ALK: variants seen among roughly 807,000 people sequenced by gnomAD.
The protein encoded by ALK is ALK tyrosine kinase receptor.
ALK carries 74 observed loss-of-function variants against 163.1 expected under a neutral mutation model. The ratio of observed to expected loss-of-function variants is 0.45; its 90% CI spans 0.38 to 0.55. The LOEUF (loss-of-function observed/expected upper bound fraction) is 0.55. Among genes scored for constraint, ALK ranks in the 20% least tolerant of loss-of-function variants. ALK has a pLI of 0.00. For missense variants in ALK, 2,063 were observed against 2,105.3 expected (o/e 0.98, Z 0.39); for synonymous variants, 960 against 843.2 (o/e 1.14, Z -2.40).
chr2:29,904,207 ATTAT>A (rs2148432851), intron 1 of ALK, among the ~76,000 whole-genome samples: 1 of 152,278 alleles, frequency 6.6e-6, no homozygotes, highest in East Asian at 1.9e-4. Flanking sequence ...CTTTGGAAAT[ATTAT>A]TTATGATTTA....
intron 4 of ALK, among the ~76,000 whole-genome samples, chr2:29,463,455 G>A (rs1337426537): frequency 6.6e-6 from 1 of 152,174 alleles, no homozygotes; most frequent in Non-Finnish European, 1.5e-5. Context: ...AGGATTAACT[G>A]CTACAGGGAT....
intron 1 of ALK, among the ~76,000 whole-genome samples, chr2:29,760,706 C>G (rs751702788): frequency 6.6e-6 from 1 of 152,206 alleles, no homozygotes; most frequent in Admixed American, 6.5e-5. Flanking sequence ...GGCTTACAGA[C>G]ATTATTGTTG....
chr2:29,870,719 G>C (rs961556079), intron 1 of ALK, among the ~76,000 whole-genome samples: 1 of 152,098 alleles, frequency 6.6e-6, no homozygotes, highest in South Asian at 2.1e-4. Context: ...AAATAAAAAA[G>C]TCTAAGAAGA....
chr2:29,339,148 C>A (rs2148268772), intron 5 of ALK, among the ~76,000 whole-genome samples: 1 of 151,966 alleles, frequency 6.6e-6, no homozygotes, highest in South Asian at 2.1e-4. Context: ...GAGGCTGAGG[C>A]AGGAGAATAG....
chr2:29,714,626 G>A (rs576522331), intron 2 of ALK, among the ~76,000 whole-genome samples: 17 of 152,300 alleles, frequency 1.1e-4, no homozygotes, highest in Admixed American at 1.1e-3. Flanking sequence ...GGATGCAGGT[G>A]AAGACAGCCA....
chr2:29,426,208 A>G (rs1224521064), intron 4 of ALK, among the ~76,000 whole-genome samples: 2 of 152,194 alleles, frequency 1.3e-5, no homozygotes, highest in Admixed American at 1.3e-4. Context: ...CACACACACC[A>G]TGCCCTCTGG....
intron 1 of ALK, among the ~76,000 whole-genome samples, chr2:29,726,060 T>C (rs1573586670): frequency 6.6e-6 from 1 of 152,198 alleles, no homozygotes; most frequent in African/African-American, 2.4e-5. Context: ...GGACTCACAC[T>C]GGCTTTTGGT....
chr2:29,360,742 C>T (rs1171645945), intron 5 of ALK, among the ~76,000 whole-genome samples: 3 of 152,138 alleles, frequency 2.0e-5, no homozygotes, highest in Non-Finnish European at 4.4e-5. Flanking sequence ...AGCCCACAGA[C>T]ATTTAGAAGA....
rs538680735 is a variant in ALK, at chr2:29,456,517, CATAGAG to C, written c.1155-72664_1155-72659del. 1.2e-3 allele frequency among the ~76,000 whole-genome samples: 178 copies of C among 152,138 alleles called. 1 individual carries two copies. The highest frequency in any genetic ancestry group is 3.7e-3 in the African/African-American group (154 of 41,512). On this transcript the variant is annotated intron_variant, in intron 4 of 28. Transcript: ENST00000389048. ...ATGAGGTATGTAGAGTAGTCAAATT[CATAGAG>C]ATAGAAAGTAGAATGCTGGTTGCCA...
intron 3 of ALK, among the ~76,000 whole-genome samples, chr2:29,539,438 A>G (rs1224632452): frequency 6.6e-6 from 1 of 152,104 alleles, no homozygotes; most frequent in Non-Finnish European, 1.5e-5. Context: ...ACCAAATTTC[A>G]TTGCCAGTTG....
At chr2:29,203,596 C>G (rs1669239227) in intron 26 of ALK, among the ~76,000 whole-genome samples, 1 of 145,192 alleles carries the variant, frequency 6.9e-6, no homozygotes. Flanking sequence ...AAGCAATTCT[C>G]TGGCCTCATC....
intron 1 of ALK, among the ~76,000 whole-genome samples, chr2:29,812,956 AT>A: frequency 6.6e-6 from 1 of 152,346 alleles, no homozygotes; most frequent in Admixed American, 6.5e-5. Flanking sequence ...TGTATAGGGA[AT>A]AAAGATGGTG....
chr2:29,892,219 T>G lies in ALK; in HGVS notation c.667+27774A>C, dbSNP rs145240791. The G allele has an allele frequency of 5.2e-3, 788 of 152,288 alleles. 6 individuals carry two copies. Among genetic ancestry groups the G allele is most frequent in the Non-Finnish European group, 8.2e-3 (557 of 68,030 alleles). The allele number at this position is 152,288 out of a possible 1,614,324, so 9.4% of individuals were successfully genotyped here. A position where few individuals can be genotyped will look rare whatever the true frequency, so the allele number is the denominator to read the frequency against. The stretch of plus-strand genomic sequence containing the variant: ...GCTCTCAGAGCTCTCTTGCACTAGT[T>G]TCCTCCAATCTGAGAATATTCAGCT... On this transcript the variant is annotated intron_variant, in intron 1 of 28. Transcript: ENST00000389048.
chr2:29,211,316 G>A (rs1669460681), intron 24 of ALK, among the ~76,000 whole-genome samples: 1 of 149,080 alleles, frequency 6.7e-6, no homozygotes, highest in South Asian at 2.2e-4. Flanking sequence ...ATAGTTGGCT[G>A]TATAGCCGTT....
chr2:29,885,806 A>G (rs1666971541), intron 1 of ALK, among the ~76,000 whole-genome samples: 1 of 152,228 alleles, frequency 6.6e-6, no homozygotes. Context: ...CTTCTTTTGC[A>G]ACATGTATCC....
intron 4 of ALK, among the ~76,000 whole-genome samples, chr2:29,390,799 G>T (rs1173798048): frequency 6.6e-6 from 1 of 152,202 alleles, no homozygotes; most frequent in Non-Finnish European, 1.5e-5. Context: ...AAATTTTAGT[G>T]TGAGGTCCTT....
At chr2:29,685,845 C>G (rs750648508) in intron 3 of ALK, among the ~76,000 whole-genome samples, 1 of 152,166 alleles carries the variant, frequency 6.6e-6, no homozygotes, top group African/African-American at 2.4e-5. Flanking sequence ...GGGTAGAATC[C>G]TTGTCCTCTT....
chr2:29,503,419 G>T (rs904405376), intron 4 of ALK, among the ~76,000 whole-genome samples: 1 of 152,208 alleles, frequency 6.6e-6, no homozygotes, highest in African/African-American at 2.4e-5. Flanking sequence ...ATGAGTGAAG[G>T]TTGGTGGAGA....
At chr2:29,455,152 T>C (rs932061297) in intron 4 of ALK, among the ~76,000 whole-genome samples, 1 of 152,204 alleles carries the variant, frequency 6.6e-6, no homozygotes, top group African/African-American at 2.4e-5. Flanking sequence ...GACGAGACTT[T>C]AAGAGGAAAG....
Sources: allele counts gnomAD v4.1 joint callset (sites outside exome capture counted in the v4.1 genomes callset), GRCh38; gene constraint gnomAD v4.1.1; transcripts MANE v1.5; gene names NCBI Gene and HGNC (gene_info 2026-07-23, HGNC 2026-07-21).